Variants in PTPRT observed in about 807,000 individuals in gnomAD.
The protein encoded by PTPRT is receptor-type tyrosine-protein phosphatase T.
PTPRT carries 56 observed loss-of-function variants against 176.8 expected under a neutral mutation model. That is an observed-to-expected ratio of 0.32 (90% CI 0.26 to 0.40). PTPRT has a LOEUF of 0.40. Among genes scored for constraint, PTPRT ranks in the 10% least tolerant of loss-of-function variants. The pLI is 1.00. For missense variants in PTPRT, 1,540 were observed against 1,908.2 expected (o/e 0.81, Z 3.60); for synonymous variants, 783 against 739.0 (o/e 1.06, Z -0.96).
At chr20:42,285,364 A>G (rs73120045) in intron 12 of PTPRT, among the ~76,000 whole-genome samples, 11,078 of 152,066 alleles carry the variant, frequency 0.073, 428 homozygotes, top group Middle Eastern at 0.11. Context: ...TTTGAAAGTA[A>G]TATATTAGAA....
At chr20:43,094,229 A>C (rs1242467315) in intron 1 of PTPRT, among the ~76,000 whole-genome samples, 2 of 150,704 alleles carry the variant, frequency 1.3e-5, no homozygotes, top group Non-Finnish European at 3.0e-5. Flanking sequence ...CTGGGGCTAC[A>C]GGCCTGCACC....
At chr20:42,567,605 G>A (rs1019525923) in intron 7 of PTPRT, among the ~76,000 whole-genome samples, 2 of 152,196 alleles carry the variant, frequency 1.3e-5, no homozygotes, top group African/African-American at 4.8e-5. Context: ...CTGCTTCACA[G>A]CTACAACATT....
intron 1 of PTPRT, among the ~76,000 whole-genome samples, chr20:43,155,141 G>A (rs1422301331): frequency 6.6e-6 from 1 of 152,146 alleles, no homozygotes; most frequent in Non-Finnish European, 1.5e-5. Context: ...CAGTATGGAG[G>A]TTCCTCAAAA....
intron 7 of PTPRT, among the ~76,000 whole-genome samples, chr20:42,669,002 G>A (rs1056983008): frequency 4.0e-5 from 6 of 151,124 alleles, no homozygotes; most frequent in African/African-American, 7.3e-5. Flanking sequence ...GAGTCACCAC[G>A]CCGTGCCCAG....
At chr20:42,632,929 C>G (rs1040518057) in intron 7 of PTPRT, among the ~76,000 whole-genome samples, 1 of 152,008 alleles carries the variant, frequency 6.6e-6, no homozygotes, top group Non-Finnish European at 1.5e-5. Flanking sequence ...CCTATAAAAG[C>G]TAGAAACAAG....
chr20:42,394,664 G>A (rs1166482147), intron 9 of PTPRT, among the ~76,000 whole-genome samples: 2 of 152,142 alleles, frequency 1.3e-5, no homozygotes, highest in Non-Finnish European at 2.9e-5. Context: ...GTCATTTTGA[G>A]TTGGCTTTGT....
At chr20:42,058,069 CTGAA>C in the PTPRT span, among the ~76,000 whole-genome samples, 2 of 152,122 alleles carry the variant, frequency 1.3e-5, no homozygotes, top group Admixed American at 1.3e-4. Context: ...CTCCTTCCTC[CTGAA>C]TACCTGAGAC....
At chr20:42,166,745 C>T (rs1454422648) in intron 16 of PTPRT, among the ~76,000 whole-genome samples, 1 of 151,936 alleles carries the variant, frequency 6.6e-6, no homozygotes, top group Non-Finnish European at 1.5e-5. Context: ...ATGGTGAAAC[C>T]CCATCTCTAC....
chr20:42,054,712 C>G, the PTPRT span, among the ~76,000 whole-genome samples: 5 of 152,208 alleles, frequency 3.3e-5, no homozygotes, highest in Non-Finnish European at 7.3e-5. Flanking sequence ...TTCCTTCTCT[C>G]TCTTTGGGAT....
intron 1 of PTPRT, among the ~76,000 whole-genome samples, chr20:42,958,812 A>C (rs959283389): frequency 2.0e-5 from 3 of 152,180 alleles, no homozygotes; most frequent in African/African-American, 7.2e-5. Context: ...TCGGCTGTTA[A>C]CTTATGAACC....
intron 2 of PTPRT, among the ~76,000 whole-genome samples, chr20:42,796,720 C>A (rs957874380): frequency 6.6e-6 from 1 of 152,228 alleles, no homozygotes; most frequent in African/African-American, 2.4e-5. Flanking sequence ...TGTGCACACA[C>A]GTTGGGCATT....
chr20:43,131,412 C>G (rs2013643275), intron 1 of PTPRT, among the ~76,000 whole-genome samples: 1 of 152,204 alleles, frequency 6.6e-6, no homozygotes, highest in Admixed American at 6.5e-5. Flanking sequence ...GACTTTCATG[C>G]TGTTTTCACG....
intron 1 of PTPRT, among the ~76,000 whole-genome samples, chr20:42,998,971 C>T (rs879571793): frequency 6.6e-6 from 1 of 152,188 alleles, no homozygotes; most frequent in African/African-American, 2.4e-5. Context: ...ACTTCTCCAA[C>T]CATTTCCCGT....
chr20:42,638,946 G>GA (rs544127573), intron 7 of PTPRT, among the ~76,000 whole-genome samples: 72 of 151,822 alleles, frequency 4.7e-4, no homozygotes, highest in African/African-American at 1.1e-3. Context: ...ACAAACACTA[G>GA]AAAAAAAATC....
chr20:42,870,417 T>C (rs2078824794), intron 2 of PTPRT, among the ~76,000 whole-genome samples: 1 of 152,228 alleles, frequency 6.6e-6, no homozygotes, highest in Admixed American at 6.5e-5. Context: ...TTGATGAACA[T>C]TTGGGTTGCT....
At chr20:43,057,061 AT>A (rs1386318156) in intron 1 of PTPRT, among the ~76,000 whole-genome samples, 1 of 151,778 alleles carries the variant, frequency 6.6e-6, no homozygotes, top group African/African-American at 2.4e-5. Flanking sequence ...CTTATATAAC[AT>A]TCTTGACATG....
Position 42,857,898 on chromosome 20 carries a change from C to T in PTPRT, c.214+27909G>A, listed in dbSNP as rs150097436. On this transcript the variant is annotated intron_variant, in intron 2 of 30. Transcript: ENST00000373187. ...CGGGACCCCTATTCCCTCTACAATC[C>T]CAGGAATGACACCTGCCCCCTTTTT... 6.8e-4 allele frequency among the ~76,000 whole-genome samples: 103 copies of T among 152,254 alleles called. 1 individual carries two copies. The highest frequency in any genetic ancestry group is 2.3e-3 in the African/African-American group (97 of 41,540).
chr20:42,121,237 G>A (rs890853824), intron 19 of PTPRT, among the ~76,000 whole-genome samples: 1 of 152,178 alleles, frequency 6.6e-6, no homozygotes, highest in Non-Finnish European at 1.5e-5. Context: ...CAATTGCTGG[G>A]CCTGCTCTAG....
intron 7 of PTPRT, among the ~76,000 whole-genome samples, chr20:42,620,041 T>C (rs2074159131): frequency 2.0e-5 from 3 of 149,860 alleles, no homozygotes; most frequent in African/African-American, 5.0e-5. Flanking sequence ...TTCCAGTTTT[T>C]CTGTTCTGTT....
Sources: allele counts gnomAD v4.1 joint callset (sites outside exome capture counted in the v4.1 genomes callset), GRCh38; gene constraint gnomAD v4.1.1; transcripts MANE v1.5; gene names NCBI Gene and HGNC (gene_info 2026-07-23, HGNC 2026-07-21).